PTPN13: variants seen among roughly 807,000 people sequenced by gnomAD.
PTPN13 encodes the protein tyrosine-protein phosphatase non-receptor type 13.
In PTPN13, 191 loss-of-function variants were observed where a neutral mutation model predicts 284.0. The ratio of observed to expected loss-of-function variants is 0.67; its 90% CI spans 0.60 to 0.76. PTPN13 has a LOEUF of 0.76. Ranked by LOEUF, PTPN13 falls within the 30% of genes least tolerant of loss-of-function variation. The pLI, the probability that PTPN13 is intolerant of heterozygous loss-of-function variation, is 0.00. For synonymous variants in PTPN13, 986 were observed against 1,022.3 expected, an observed-to-expected ratio of 0.96 and a Z score of 0.68; for missense variants, 2,797 against 2,939.9, an observed-to-expected ratio of 0.95 and a Z score of 1.12.
chr4:86,796,859 A>G lies in PTPN13; in HGVS notation c.6346-15A>G. 6.9e-7 allele frequency: 1 copy of G among 1,450,692 alleles called. No individual in the cohort carries two copies. 89.9% of individuals were successfully genotyped at this position (1,450,692 alleles called of 1,614,324 possible). On this transcript the variant is annotated splice_polypyrimidine_tract_variant and intron_variant, in intron 40 of 47. Coordinates refer to ENST00000411767, the MANE Select transcript of PTPN13 (RefSeq NM_080683.3). ...TACAATGGGCTGATTTGATTCTTAT[A>G]TATTTTTATTGTAGGCCACCAAAAT...
intron 31 of PTPN13, 59 bp downstream of exon 31, chr4:86,771,594 A>G (rs1740005935): frequency 1.4e-6 from 2 of 1,440,660 alleles, no homozygotes; most frequent in South Asian, 2.8e-5. Context: ...TAGCAGTAGC[A>G]GCAACATGCA....
intron 36 of PTPN13, among the ~76,000 whole-genome samples, chr4:86,781,103 G>A (rs1057470300): frequency 6.6e-6 from 1 of 152,026 alleles, no homozygotes; most frequent in Non-Finnish European, 1.5e-5. Flanking sequence ...TTCTTGCAAG[G>A]AATATTAAAA....
At chr4:86,668,271 T>A (rs904802184) in intron 2 of PTPN13, among the ~76,000 whole-genome samples, 2 of 152,228 alleles carry the variant, frequency 1.3e-5, no homozygotes, top group African/African-American at 4.8e-5. Context: ...AATATTCTTT[T>A]GTTAGCATTT....
At chr4:86,728,846 A>G (rs558063426) in intron 10 of PTPN13, among the ~76,000 whole-genome samples, 13 of 146,800 alleles carry the variant, frequency 8.9e-5, no homozygotes, top group African/African-American at 3.2e-4. Context: ...TTTACATTTA[A>G]GGTTAACATT....
At chr4:86,736,887 AT>A (rs1238666418) in intron 15 of PTPN13, among the ~76,000 whole-genome samples, 2 of 152,188 alleles carry the variant, frequency 1.3e-5, no homozygotes, top group Non-Finnish European at 2.9e-5. Flanking sequence ...CTGTTACTTC[AT>A]TTCACTTTAA....
chr4:86,794,391 TAA>T (rs1325112893), intron 40 of PTPN13, among the ~76,000 whole-genome samples: 4 of 151,890 alleles, frequency 2.6e-5, no homozygotes, highest in African/African-American at 7.3e-5. Context: ...CTCAACGAAA[TAA>T]AAGAGGACAC....
chr4:86,638,023 A>G (rs937908257), intron 2 of PTPN13, among the ~76,000 whole-genome samples: 20 of 152,148 alleles, frequency 1.3e-4, no homozygotes, highest in African/African-American at 4.8e-4. Context: ...AAGCATTCTT[A>G]TACACCAATA....
chr4:86,759,276 G>A (rs1738388414), intron 23 of PTPN13, among the ~76,000 whole-genome samples: 1 of 152,118 alleles, frequency 6.6e-6, no homozygotes, highest in African/African-American at 2.4e-5. Context: ...TTACATAATA[G>A]TTATATATAA....
chr4:86,607,274 T>TTTAAAATATTGATGTCTATAAA (rs1554290326), intron 1 of PTPN13, among the ~76,000 whole-genome samples: 4 of 151,912 alleles, frequency 2.6e-5, no homozygotes, highest in Non-Finnish European at 5.9e-5. Context: ...AAAAGATATC[T>TTTAAAATATTGATGTCTATAAA]ATGATGTCTA....
intron 2 of PTPN13, among the ~76,000 whole-genome samples, chr4:86,662,005 T>C (rs1445496888): frequency 6.6e-6 from 1 of 152,210 alleles, no homozygotes; most frequent in East Asian, 1.9e-4. Context: ...TAAAAAAAAA[T>C]TTAAAACCTG....
chr4:86,780,562 T>A (rs1741189202), intron 36 of PTPN13, 90 bp downstream of exon 36: 2 of 850,730 alleles, frequency 2.4e-6, no homozygotes, highest in Admixed American at 2.0e-5. Context: ...GACAATTTCT[T>A]AAAAATTATA....
intron 1 of PTPN13, among the ~76,000 whole-genome samples, chr4:86,615,229 A>G (rs1275350214): frequency 4.6e-5 from 7 of 152,138 alleles, no homozygotes; most frequent in Non-Finnish European, 5.9e-5. Flanking sequence ...TTTAAGAATG[A>G]CTTTCTAATA....
intron 40 of PTPN13, among the ~76,000 whole-genome samples, chr4:86,794,711 T>A (rs1322290527): frequency 6.6e-6 from 1 of 152,006 alleles, no homozygotes; most frequent in Non-Finnish European, 1.5e-5. Context: ...TAAAGACCAA[T>A]GGAACAGAAC....
At chr4:86,791,371 C>A (rs1742644091) in intron 40 of PTPN13, among the ~76,000 whole-genome samples, 1 of 152,174 alleles carries the variant, frequency 6.6e-6, no homozygotes, top group South Asian at 2.1e-4. Flanking sequence ...GCAGAGCCCA[C>A]CGCAACTCAG....
chr4:86,702,134 T>C lies in PTPN13; in HGVS notation c.1195+333T>C, dbSNP rs566959980. Among the ~76,000 whole-genome samples, 77 of 152,332 alleles carry C rather than the reference T, an allele frequency of 5.1e-4. No homozygotes were observed. The East Asian group carries it at 6.6e-3, about 13-fold the overall frequency. On this transcript the variant is annotated intron_variant, in intron 7 of 47. Transcript: ENST00000411767. ...TTTGCTTAAATTCTCCACCATACCG[T>C]CTACCATGCACTATCTCATGGGAGG...
intron 1 of PTPN13, among the ~76,000 whole-genome samples, chr4:86,602,017 C>A (rs1351700258): frequency 6.6e-6 from 1 of 152,136 alleles, no homozygotes. Context: ...CTGAATAAAT[C>A]AATCTATTGG....
Position 86,769,834 on chromosome 4 carries a change from G to A in PTPN13, c.4555G>A (p.Asp1519Asn). 1 of 1,613,666 alleles carries A rather than the reference G, an allele frequency of 6.2e-7. No homozygotes were observed. Among genetic ancestry groups the A allele is most frequent in the Non-Finnish European group, 8.5e-7 (1 of 1,179,648 alleles). The change falls in exon 29 of 48, where the codon GAT becomes AAT. Residue 1519 changes from aspartate (D) to asparagine (N), a missense_variant. Asp to Asn is a conservative substitution (Grantham distance 23). Coordinates refer to ENST00000411767, the MANE Select transcript of PTPN13 (RefSeq NM_080683.3). ...SGLGFSFSRE[D>N]NLIPEQINAS... Reference sequence around the variant, plus strand: ...TCTAGGATTCAGTTTTTCTCGAGAAGATAATCTTATACCGGAGCAAATTAA... The same window carrying A: ...TCTAGGATTCAGTTTTTCTCGAGAAAATAATCTTATACCGGAGCAAATTAA...
At chr4:86,715,216 G>A (rs9994421) in intron 7 of PTPN13, among the ~76,000 whole-genome samples, 6,889 of 150,680 alleles carry the variant, frequency 0.046, 198 homozygotes, top group Non-Finnish European at 0.062. Context: ...GTGTTTGTGT[G>A]TATGTGTGTG....
At chr4:86,731,652 A>G (rs1734971177) in intron 10 of PTPN13, among the ~76,000 whole-genome samples, 1 of 151,798 alleles carries the variant, frequency 6.6e-6, no homozygotes, top group Non-Finnish European at 1.5e-5. Context: ...TTTGCTTTTA[A>G]TTTTTTTTAG....
Sources: allele counts gnomAD v4.1 joint callset (sites outside exome capture counted in the v4.1 genomes callset), GRCh38; gene constraint gnomAD v4.1.1; transcripts MANE v1.5; gene names NCBI Gene and HGNC (gene_info 2026-07-23, HGNC 2026-07-21).